ZW10: variants seen among roughly 807,000 people sequenced by gnomAD.
ZW10 encodes zw10 kinetochore protein.
Under a neutral mutation model 87.8 loss-of-function variants are expected in ZW10, and 53 were observed. The ratio of observed to expected loss-of-function variants is 0.60; its 90% CI spans 0.48 to 0.76. The LOEUF is 0.76. Among genes scored for constraint, ZW10 ranks in the 30% least tolerant of loss-of-function variants. The pLI is 0.00. For synonymous variants in ZW10, 312 were observed against 329.2 expected (o/e 0.95, Z 0.57); for missense variants, 837 against 923.0 (o/e 0.91, Z 1.21).
At chr11:113,772,873 G>C (rs1006787935) in intron 1 of ZW10, among the ~76,000 whole-genome samples, 8 of 151,096 alleles carry the variant, frequency 5.3e-5, no homozygotes, top group African/African-American at 1.9e-4. Flanking sequence ...TGTAATCTCA[G>C]CTACTCGGGA....
chr11:113,749,810 G>A (rs1201831980), intron 7 of ZW10, among the ~76,000 whole-genome samples: 2 of 152,150 alleles, frequency 1.3e-5, no homozygotes, highest in Non-Finnish European at 2.9e-5. Context: ...ACATATTACT[G>A]TTGTATTGTC....
intron 8 of ZW10, among the ~76,000 whole-genome samples, 160 bp downstream of exon 8, chr11:113,748,097 G>A (rs2134876883): frequency 6.6e-6 from 1 of 152,260 alleles, no homozygotes; most frequent in Non-Finnish European, 1.5e-5. Context: ...GAGGTAGGAA[G>A]CCAGGAGAAA....
chr11:113,763,261 T>C (rs1394054167), intron 2 of ZW10, among the ~76,000 whole-genome samples: 1 of 152,256 alleles, frequency 6.6e-6, no homozygotes, highest in Non-Finnish European at 1.5e-5. Context: ...TTATCCAGTC[T>C]GTCATTGATG....
At chr11:113,749,259 A>T (rs1409171517) in intron 7 of ZW10, among the ~76,000 whole-genome samples, 1 of 152,174 alleles carries the variant, frequency 6.6e-6, no homozygotes, top group Non-Finnish European at 1.5e-5. Context: ...ACCTCACAAC[A>T]TCTAAAGTCT....
chr11:113,763,062 T>C (rs562009943), intron 2 of ZW10, among the ~76,000 whole-genome samples: 1 of 152,244 alleles, frequency 6.6e-6, no homozygotes, highest in South Asian at 2.1e-4. Flanking sequence ...TTCCCCTCTT[T>C]GTGTCCATGC....
intron 2 of ZW10, among the ~76,000 whole-genome samples, chr11:113,764,303 C>T (rs1270827200): frequency 3.3e-5 from 5 of 152,118 alleles, no homozygotes; most frequent in African/African-American, 1.2e-4. Context: ...GTGATGACCC[C>T]AGCTTTGTTC....
chr11:113,736,767 TC>T lies in ZW10; in HGVS notation c.2071del (p.Asp691MetfsTer36). Reference sequence around the variant, plus strand: ...AGGTGCAAATACTTGGGGTCCTTCATCCATCACTGTTTTGCATAAGGAATAT... The same window carrying T: ...AGGTGCAAATACTTGGGGTCCTTCATCATCACTGTTTTGCATAAGGAATAT... ...RLYSLCKTVM[D>X]EGPQVFAPLS... On this transcript the variant is annotated frameshift_variant, in exon 15 of 16. Transcript: ENST00000200135. LOFTEE classifies it high-confidence loss of function. 2 of 1,614,182 alleles carry T rather than the reference TC, an allele frequency of 1.2e-6. No individual in the cohort carries two copies. Among genetic ancestry groups the T allele is most frequent in the Non-Finnish European group, 8.5e-7 (1 of 1,180,032 alleles).
intron 2 of ZW10, among the ~76,000 whole-genome samples, chr11:113,762,728 G>A (rs565638446): frequency 2.6e-5 from 4 of 152,088 alleles, no homozygotes; most frequent in African/African-American, 9.6e-5. Flanking sequence ...ATGTTGGCCA[G>A]GCTGGTCTCG....
Position 113,739,439 on chromosome 11 carries a change from T to C in ZW10, c.1584-57A>G, listed in dbSNP as rs976966619. The C allele has an allele frequency of 6.1e-6, 9 of 1,482,914 alleles. No individual in the cohort carries two copies. In the Admixed American group the frequency reaches 1.6e-4, roughly 26 times the overall value. 91.9% of individuals were successfully genotyped at this position (1,482,914 alleles called of 1,614,324 possible). On this transcript the variant is annotated intron_variant, in intron 11 of 15. Transcript: ENST00000200135. ...CAACCACCTGTTACTGAAGCTGGGG[T>C]TGATGAAAGTCACAACTTCTCTAAT...
intron 2 of ZW10, 102 bp from the exon 3 acceptor site, chr11:113,761,020 T>C: frequency 1.2e-6 from 1 of 863,624 alleles, no homozygotes; most frequent in Non-Finnish European, 1.8e-6. Context: ...ACATAATTTA[T>C]GTTGAAATTT....
At chr11:113,759,481 G>A (rs1953834285) in intron 5 of ZW10, among the ~76,000 whole-genome samples, 1 of 152,110 alleles carries the variant, frequency 6.6e-6, no homozygotes, top group African/African-American at 2.4e-5. Context: ...GGGGGAGAAA[G>A]TTTCTCTTGA....
chr11:113,773,103 G>A (rs144654970), intron 1 of ZW10, among the ~76,000 whole-genome samples: 15 of 152,072 alleles, frequency 9.9e-5, no homozygotes, highest in African/African-American at 3.1e-4. Flanking sequence ...CAAGGAGTGG[G>A]TGGAGGAAAT....
In ZW10 at chr11:113,743,926, G is replaced by T; in HGVS notation, c.1387C>A (p.Pro463Thr). 3.1e-6 allele frequency: 5 copies of T among 1,614,136 alleles called. No individual in the cohort carries two copies. Among genetic ancestry groups the T allele is most frequent in the Non-Finnish European group, 4.2e-6 (5 of 1,180,018 alleles). ...TQYHEVMNLEPENTLDQHSFS... is the reference protein window; with the variant it reads ...TQYHEVMNLETENTLDQHSFS... ...GAATGTTGGTCCAATGTATTTTCAG[G>T]CTCTAAATTCATCACTTCGTGGTAC... Residue 463 changes from proline to threonine, a missense_variant, in exon 10 of 16, where the codon CCT becomes ACT. Coordinates refer to ENST00000200135, the MANE Select transcript of ZW10 (RefSeq NM_004724.4).
In ZW10 at chr11:113,760,807, G is replaced by T. The variant is rs767006157; in HGVS notation, c.342+10C>A. Reference sequence around the variant, plus strand: ...ACCAAAACACTAAGGTTCAAGTTGAGTTTACTGACCTCCTGCAACTGTTTA... The same window carrying T: ...ACCAAAACACTAAGGTTCAAGTTGATTTTACTGACCTCCTGCAACTGTTTA... On this transcript the variant is annotated intron_variant, in intron 3 of 15. Coordinates refer to ENST00000200135, the MANE Select transcript of ZW10 (RefSeq NM_004724.4). The T allele has an allele frequency of 2.1e-5, 34 of 1,611,742 alleles. No homozygotes were observed. Among genetic ancestry groups the T allele is most frequent in the Non-Finnish European group, 2.8e-5 (33 of 1,178,416 alleles).
Position 113,760,811 on chromosome 11 carries a change from A to C in ZW10, c.342+6T>G. ...AAACACTAAGGTTCAAGTTGAGTTT[A>C]CTGACCTCCTGCAACTGTTTAAGCA... is the stretch of plus-strand genomic sequence containing the variant. On this transcript the variant is annotated splice_donor_region_variant and intron_variant, in intron 3 of 15. Transcript: ENST00000200135. 1.2e-6 allele frequency: 2 copies of C among 1,612,830 alleles called. No individual in the cohort carries two copies. The highest frequency in any genetic ancestry group is 1.7e-6 in the Non-Finnish European group (2 of 1,178,982).
Position 113,760,381 on chromosome 11 carries a change from T to C in ZW10, c.421-13A>G. The C allele has an allele frequency of 2.5e-6, 4 of 1,613,582 alleles. No individual in the cohort carries two copies. The highest frequency in any genetic ancestry group is 3.4e-6 in the Non-Finnish European group (4 of 1,179,802). ...AGCATTTCTGTGCCTGGTAACGAAA[T>C]GGAATCACTGTTAAACATTCCATCT... On this transcript the variant is annotated splice_polypyrimidine_tract_variant and intron_variant, in intron 4 of 15. Transcript: ENST00000200135.
chr11:113,742,265 T>C (rs758653216), intron 10 of ZW10, among the ~76,000 whole-genome samples: 1 of 152,194 alleles, frequency 6.6e-6, no homozygotes. Context: ...GCCCTCAAGA[T>C]TTTTTGCCCT....
At chr11:113,765,598 T>C (rs759431498) in intron 2 of ZW10, among the ~76,000 whole-genome samples, 1 of 152,204 alleles carries the variant, frequency 6.6e-6, no homozygotes, top group Non-Finnish European at 1.5e-5. Context: ...GTAATGCATA[T>C]ACATATCACT....
chr11:113,756,199 A>G (rs1327823546), intron 7 of ZW10, among the ~76,000 whole-genome samples: 1 of 152,218 alleles, frequency 6.6e-6, no homozygotes, highest in African/African-American at 2.4e-5. Context: ...ATGCAAATGC[A>G]CAGAGAAAAA....
Sources: allele counts gnomAD v4.1 joint callset (sites outside exome capture counted in the v4.1 genomes callset), GRCh38; gene constraint gnomAD v4.1.1; transcripts MANE v1.5; gene names NCBI Gene and HGNC (gene_info 2026-07-23, HGNC 2026-07-21).